Variants in RAPGEF6 observed in about 807,000 individuals in gnomAD.
RAPGEF6 encodes the protein Rap guanine nucleotide exchange factor 6.
RAPGEF6 carries 56 observed loss-of-function variants against 171.4 expected under a neutral mutation model. The ratio of observed to expected loss-of-function variants is 0.33; its 90% CI spans 0.26 to 0.41. The LOEUF is 0.41. Among genes scored for constraint, RAPGEF6 ranks in the 10% least tolerant of loss-of-function variants. The pLI, the probability that RAPGEF6 is intolerant of heterozygous loss-of-function variation, is 1.00. For synonymous variants in RAPGEF6, 692 were observed against 650.1 expected (o/e 1.06, Z -0.98); for missense variants, 1,674 against 1,921.4 (o/e 0.87, Z 2.41).
intron 15 of RAPGEF6, among the ~76,000 whole-genome samples, chr5:131,481,599 C>T (rs147897601): frequency 6.6e-6 from 1 of 152,188 alleles, no homozygotes; most frequent in South Asian, 2.1e-4. Context: ...GGTGCAGGTA[C>T]ATTTGGGAAA....
At chr5:131,632,443 C>T (rs1344859548) in intron 1 of RAPGEF6, among the ~76,000 whole-genome samples, 3 of 152,202 alleles carry the variant, frequency 2.0e-5, no homozygotes, top group Non-Finnish European at 4.4e-5. Flanking sequence ...ATTTAAACTG[C>T]AACCCAGCCC....
rs757093470 is a variant in RAPGEF6, at chr5:131,548,163, T to C, written c.379A>G (p.Ser127Gly). ...GCAGGAATTTCTCTTTGTAGAATAC[T>C]ATCTTCATTATCTTTGGCATTCTCT... Reference protein sequence around the residue: ...VVENAKDNEDSILQREIPARQ... With the variant: ...VVENAKDNEDGILQREIPARQ... The change falls in exon 6 of 28, where the codon AGT becomes GGT. Residue 127 changes from serine to glycine, a missense_variant. Ser to Gly is a moderately conservative substitution (Grantham distance 56). This residue lies in a region of RAPGEF6 where 1,116 missense variants were observed against 1,321.5 expected (regional missense o/e 0.84). Transcript: ENST00000509018. The C allele has an allele frequency of 4.3e-6, 7 of 1,613,748 alleles. No individual in the cohort carries two copies. The East Asian group carries it at 1.1e-4, about 26-fold the overall frequency.
At chr5:131,482,999 T>C (rs569339805) in intron 15 of RAPGEF6, among the ~76,000 whole-genome samples, 15 of 152,284 alleles carry the variant, frequency 9.9e-5, no homozygotes, top group South Asian at 8.3e-4. Context: ...AGGAAAACTT[T>C]GAAGGGGCGA....
At position 131,429,069 on chromosome 5, in the gene RAPGEF6, C is replaced by T; in HGVS notation, c.4613G>A (p.Arg1538Lys). Residue 1538 changes from arginine to lysine, a missense_variant, in exon 27 of 28, where the codon AGG becomes AAG. Arg to Lys is a conservative substitution (Grantham distance 26, BLOSUM62 2). Transcript: ENST00000509018. ...KPPDYSVAVQRSKMMHNSLSR... is the reference protein window; with the variant it reads ...KPPDYSVAVQKSKMMHNSLSR... ...GAGGCTGTTATGCATCATCTTTGAC[C>T]TCTGCACTGCCACACTATAATCTGG... 1.2e-6 allele frequency: 2 copies of T among 1,614,124 alleles called. No homozygotes were observed. Among genetic ancestry groups the T allele is most frequent in the Non-Finnish European group, 1.7e-6 (2 of 1,180,014 alleles).
intron 15 of RAPGEF6, among the ~76,000 whole-genome samples, chr5:131,486,385 G>C (rs1755889525): frequency 6.6e-6 from 1 of 152,158 alleles, no homozygotes; most frequent in African/African-American, 2.4e-5. Flanking sequence ...CTTTTAAGTT[G>C]TCTTCAGTCA....
intron 16 of RAPGEF6, among the ~76,000 whole-genome samples, chr5:131,478,029 A>C (rs977997361): frequency 6.6e-6 from 1 of 151,694 alleles, no homozygotes; most frequent in African/African-American, 2.4e-5. Flanking sequence ...AGTGTTTGCT[A>C]CAGTACACTT....
In RAPGEF6 at chr5:131,492,879, T is replaced by C. The variant is rs549078342; in HGVS notation, c.1528-94A>G. On this transcript the variant is annotated intron_variant, in intron 13 of 27. Coordinates refer to ENST00000509018, the MANE Select transcript of RAPGEF6 (RefSeq NM_016340.6). Reference sequence around the variant, plus strand: ...AAATTATTAGAATTAGAGTTATAAATATACATGTATAAGCTGAGGTAAACA... The same window carrying C: ...AAATTATTAGAATTAGAGTTATAAACATACATGTATAAGCTGAGGTAAACA... 2 of 1,211,680 alleles carry C rather than the reference T, an allele frequency of 1.7e-6. 1 individual carries two copies. Among genetic ancestry groups the C allele is most frequent in the South Asian group, 2.7e-5 (2 of 72,974 alleles). 75.1% of individuals were successfully genotyped at this position (1,211,680 alleles called of 1,614,324 possible). A position where few individuals can be genotyped will look rare whatever the true frequency, so the allele number is the denominator to read the frequency against.
intron 5 of RAPGEF6, among the ~76,000 whole-genome samples, chr5:131,560,660 T>C (rs1761539592): frequency 6.6e-6 from 1 of 152,168 alleles, no homozygotes; most frequent in East Asian, 1.9e-4. Flanking sequence ...AAACAATACA[T>C]ACTCCATCCT....
intron 17 of RAPGEF6, among the ~76,000 whole-genome samples, chr5:131,466,944 T>C (rs554856992): frequency 2.0e-5 from 3 of 152,362 alleles, no homozygotes; most frequent in Admixed American, 6.5e-5. Flanking sequence ...TTACCTGTAC[T>C]GTTGCTACCC....
At chr5:131,450,186 G>C (rs551926727) in intron 21 of RAPGEF6, 5 of 909,240 alleles carry the variant, frequency 5.5e-6, no homozygotes, top group Non-Finnish European at 5.1e-6. Flanking sequence ...CAGCTTAACA[G>C]TAAAATGACT....
intron 6 of RAPGEF6, among the ~76,000 whole-genome samples, chr5:131,525,899 A>G (rs1169308337): frequency 6.6e-6 from 1 of 152,174 alleles, no homozygotes; most frequent in Non-Finnish European, 1.5e-5. Context: ...AGCAATCTTC[A>G]CCCTCACTAA....
In RAPGEF6 at chr5:131,627,509, G is replaced by A. The variant is rs532670320; in HGVS notation, c.69+7453C>T. On this transcript the variant is annotated intron_variant, in intron 1 of 27. Transcript: ENST00000509018. ...AAATCATGGCATTAAGCACTGAGAG[G>A]GAAATAAACATTAAGGGAAATATAA... 1.4e-4 allele frequency among the ~76,000 whole-genome samples: 21 copies of A among 152,166 alleles called. No homozygotes were observed. The East Asian group carries it at 1.5e-3, about 11-fold the overall frequency.
intron 6 of RAPGEF6, among the ~76,000 whole-genome samples, chr5:131,538,400 T>C (rs1759914273): frequency 6.6e-6 from 1 of 152,172 alleles, no homozygotes; most frequent in South Asian, 2.1e-4. Flanking sequence ...CTCAGCATGT[T>C]ACTCTACTGA....
intron 15 of RAPGEF6, among the ~76,000 whole-genome samples, chr5:131,481,965 G>A (rs1323627724): frequency 6.6e-6 from 1 of 152,160 alleles, no homozygotes; most frequent in Non-Finnish European, 1.5e-5. Flanking sequence ...GAAAAGGAAA[G>A]TAAGAGTTTC....
chr5:131,571,538 A>G (rs1762284912), intron 4 of RAPGEF6, among the ~76,000 whole-genome samples: 1 of 152,204 alleles, frequency 6.6e-6, no homozygotes. Context: ...TCTACACTGA[A>G]AACTGCAAAA....
intron 27 of RAPGEF6, among the ~76,000 whole-genome samples, chr5:131,427,785 A>T (rs564949901): frequency 1.3e-5 from 2 of 152,210 alleles, no homozygotes; most frequent in Admixed American, 1.3e-4. Context: ...GCACACAGAA[A>T]TAGGCAGCTT....
intron 7 of RAPGEF6, among the ~76,000 whole-genome samples, chr5:131,517,780 TACACACACACACAC>T (rs36091456): frequency 0.023 from 3,173 of 140,478 alleles, 123 homozygotes; most frequent in African/African-American, 0.077. Context: ...TTCGCGCATG[TACACACACACACAC>T]ACACACACAC....
At chr5:131,607,128 G>C (rs1467385183) in intron 1 of RAPGEF6, among the ~76,000 whole-genome samples, 1 of 152,136 alleles carries the variant, frequency 6.6e-6, no homozygotes, top group East Asian at 1.9e-4. Flanking sequence ...TCCATGACCT[G>C]TGTGGTAAAA....
chr5:131,598,658 A>G (rs1244174760), intron 3 of RAPGEF6, among the ~76,000 whole-genome samples: 1 of 152,258 alleles, frequency 6.6e-6, no homozygotes, highest in Non-Finnish European at 1.5e-5. Flanking sequence ...TAAAAGTGTT[A>G]CAGAAAAAAC....
Sources: allele counts gnomAD v4.1 joint callset (sites outside exome capture counted in the v4.1 genomes callset), GRCh38; gene constraint gnomAD v4.1.1; regional missense constraint gnomAD v4.1.1; transcripts MANE v1.5; gene names NCBI Gene and HGNC (gene_info 2026-07-23, HGNC 2026-07-21).